Variants in SH3RF3 observed in about 807,000 individuals in gnomAD.
The protein encoded by SH3RF3 is E3 ubiquitin-protein ligase SH3RF3.
A neutral mutation model predicts 66.3 loss-of-function variants in SH3RF3; 29 were observed. The observed-to-expected ratio is 0.44, with a 90% confidence interval of 0.33 to 0.60. SH3RF3 has a LOEUF of 0.60. SH3RF3 is among the 20% of genes least tolerant of loss of function. SH3RF3 has a pLI of 0.04. For missense variants in SH3RF3, 1,194 were observed against 1,190.9 expected (o/e 1.00, Z -0.04); for synonymous variants, 583 against 532.0 (o/e 1.10, Z -1.32).
At chr2:109,296,399 T>TTG (rs1254440324) in intron 1 of SH3RF3, among the ~76,000 whole-genome samples, 1 of 151,684 alleles carries the variant, frequency 6.6e-6, no homozygotes, top group Non-Finnish European at 1.5e-5. Context: ...AGTTTTTTTT[T>TTG]TGTGTGTGTG....
intron 2 of SH3RF3, among the ~76,000 whole-genome samples, chr2:109,355,634 C>T (rs375218318): frequency 6.6e-6 from 1 of 152,184 alleles, no homozygotes; most frequent in Admixed American, 6.5e-5. Context: ...CTCCCTTCAG[C>T]GTGGCTTTCC....
At chr2:109,385,260 T>TA (rs1333118820) in intron 3 of SH3RF3, among the ~76,000 whole-genome samples, 1 of 152,154 alleles carries the variant, frequency 6.6e-6, no homozygotes, top group African/African-American at 2.4e-5. Flanking sequence ...ATTGGAGACA[T>TA]AGTGAAGTGC....
At chr2:109,222,112 G>A (rs142442654) in intron 1 of SH3RF3, among the ~76,000 whole-genome samples, 247 of 152,270 alleles carry the variant, frequency 1.6e-3, no homozygotes, top group Non-Finnish European at 2.9e-3. Context: ...GGCAAATATT[G>A]GACGATCTCA....
chr2:109,183,305 G>A (rs568983800), intron 1 of SH3RF3, among the ~76,000 whole-genome samples: 2 of 112,178 alleles, frequency 1.8e-5, no homozygotes, highest in Non-Finnish European at 4.5e-5. Context: ...TACTGCTTTC[G>A]TGTTCTTAAT....
intron 9 of SH3RF3, among the ~76,000 whole-genome samples, chr2:109,494,107 C>A (rs36145675): frequency 1.3e-5 from 2 of 151,996 alleles, no homozygotes; most frequent in Non-Finnish European, 2.9e-5. Context: ...CCCCTAGGAT[C>A]CTTCTTCCCC....
intron 1 of SH3RF3, among the ~76,000 whole-genome samples, chr2:109,282,419 G>A (rs1458672408): frequency 6.6e-6 from 1 of 152,182 alleles, no homozygotes; most frequent in African/African-American, 2.4e-5. Context: ...ACTGGGAGAA[G>A]CTCTAGGAAT....
chr2:109,354,398 G>T (rs1376394115), intron 2 of SH3RF3, among the ~76,000 whole-genome samples: 1 of 152,220 alleles, frequency 6.6e-6, no homozygotes, highest in Non-Finnish European at 1.5e-5. Context: ...CCAGAAAAGT[G>T]GCGCAGCGTT....
chr2:109,129,989 CGGGCGGCGG>C lies in SH3RF3; in HGVS notation c.458_466del (p.Gly153_Gly155del). On this transcript the variant is annotated inframe_deletion, in exon 1 of 10. Transcript: ENST00000309415. ...GGCCAGAGTGCGGCCCCCACGCTCG[CGGGCGGCGG>C]GGGCGGCGCGGCAGGCAGCACCCCG... The C allele has an allele frequency of 1.5e-6, 2 of 1,296,930 alleles. No homozygotes were observed. The highest frequency in any genetic ancestry group is 9.7e-7 in the Non-Finnish European group (1 of 1,026,956). The allele number at this position is 1,296,930 out of a possible 1,614,324, so 80.3% of individuals were successfully genotyped here. A position where few individuals can be genotyped will look rare whatever the true frequency, so the allele number is the denominator to read the frequency against.
chr2:109,238,607 G>T (rs934389612), intron 1 of SH3RF3, among the ~76,000 whole-genome samples: 1 of 151,782 alleles, frequency 6.6e-6, no homozygotes, highest in African/African-American at 2.4e-5. Context: ...ATTCTTTTTC[G>T]CATTATGGAT....
intron 9 of SH3RF3, among the ~76,000 whole-genome samples, chr2:109,500,634 A>G (rs1314069377): frequency 2.0e-5 from 3 of 152,162 alleles, no homozygotes; most frequent in African/African-American, 7.2e-5. Context: ...AAAAAATCTT[A>G]TGATTTTTGG....
chr2:109,430,412 T>C (rs550825872), intron 5 of SH3RF3, among the ~76,000 whole-genome samples: 6 of 152,118 alleles, frequency 3.9e-5, no homozygotes, highest in Admixed American at 3.9e-4. Flanking sequence ...TCTTCTGCCT[T>C]CCTTTGCCTC....
chr2:109,256,243 G>A (rs1553492535), intron 1 of SH3RF3, among the ~76,000 whole-genome samples: 1 of 152,188 alleles, frequency 6.6e-6, no homozygotes, highest in Non-Finnish European at 1.5e-5. Flanking sequence ...AGCCTGCCAT[G>A]GACAGGTCGC....
chr2:109,312,624 C>T (rs7569804), intron 1 of SH3RF3, among the ~76,000 whole-genome samples: 47,351 of 151,894 alleles, frequency 0.31, 9,133 homozygotes, highest in African/African-American at 0.55. Flanking sequence ...TGGAATCATC[C>T]GATACATGGC....
At chr2:109,214,839 A>G (rs1382258970) in intron 1 of SH3RF3, among the ~76,000 whole-genome samples, 1 of 152,176 alleles carries the variant, frequency 6.6e-6, no homozygotes, top group African/African-American at 2.4e-5. Context: ...ACTGAGTTCC[A>G]AGGGCTGCTG....
chr2:109,421,936 A>G (rs1676894592), intron 5 of SH3RF3, among the ~76,000 whole-genome samples: 1 of 152,250 alleles, frequency 6.6e-6, no homozygotes, highest in African/African-American at 2.4e-5. Context: ...TGCATTCTGA[A>G]AACATGACAT....
chr2:109,489,763 A>G (rs1270262460), intron 8 of SH3RF3, among the ~76,000 whole-genome samples: 2 of 150,974 alleles, frequency 1.3e-5, no homozygotes, highest in Admixed American at 6.6e-5. Context: ...GGGGGGACGG[A>G]GTCTCGCTCT....
rs1679700766 is a variant in SH3RF3, at chr2:109,238,464, TGTGTGTGTG to T, written c.573+108352_573+108360del. Among the ~76,000 whole-genome samples the T allele has an allele frequency of 2.7e-5, 3 of 110,462 alleles. No individual in the cohort carries two copies. In the Admixed American group the frequency reaches 2.8e-4, roughly 10 times the overall value. 72.5% of individuals were successfully genotyped at this position (110,462 alleles called of 152,430 possible). On this transcript the variant is annotated intron_variant, in intron 1 of 9. Coordinates refer to ENST00000309415, the MANE Select transcript of SH3RF3 (RefSeq NM_001099289.3). ...TTATGTATATTTGTGTGTGTGTGTG[TGTGTGTGTG>T]TGTGTGTGTGTGTGTGTGTGTGTGT...
At chr2:109,441,666 A>C (rs1279289495) in intron 7 of SH3RF3, among the ~76,000 whole-genome samples, 2 of 152,252 alleles carry the variant, frequency 1.3e-5, no homozygotes, top group African/African-American at 4.8e-5. Context: ...TCCAAATTTG[A>C]TGAAAACCAC....
intron 7 of SH3RF3, among the ~76,000 whole-genome samples, chr2:109,442,395 A>C (rs1204614799): frequency 6.6e-6 from 1 of 152,156 alleles, no homozygotes; most frequent in Non-Finnish European, 1.5e-5. Context: ...ATACCAGATG[A>C]AAATGAAGAT....
Sources: allele counts gnomAD v4.1 joint callset (sites outside exome capture counted in the v4.1 genomes callset), GRCh38; gene constraint gnomAD v4.1.1; transcripts MANE v1.5; gene names NCBI Gene and HGNC (gene_info 2026-07-23, HGNC 2026-07-21).